NKTR: variants seen among roughly 807,000 people sequenced by gnomAD.
NKTR encodes NK-tumor recognition protein.
Under a neutral mutation model 156.3 loss-of-function variants are expected in NKTR, and 67 were observed. The ratio of observed to expected loss-of-function variants is 0.43; its 90% CI spans 0.35 to 0.53. The LOEUF is 0.53. NKTR is among the 20% of genes least tolerant of loss of function. The pLI, the probability that NKTR is intolerant of heterozygous loss-of-function variation, is 0.01. For missense variants in NKTR, 1,604 were observed against 1,730.9 expected, an observed-to-expected ratio of 0.93 and a Z score of 1.30; for synonymous variants, 640 against 596.6, an observed-to-expected ratio of 1.07 and a Z score of -1.06.
At chr3:42,643,685 A>G (rs916504120) in intron 15 of NKTR, 8 of 680,558 alleles carry the variant, frequency 1.2e-5, no homozygotes, top group East Asian at 1.1e-4. Context: ...ATATTTTTCA[A>G]TGCAGAAAAG....
intron 2 of NKTR, among the ~76,000 whole-genome samples, chr3:42,604,941 C>T (rs543600206): frequency 1.3e-5 from 2 of 152,040 alleles, no homozygotes; most frequent in Admixed American, 6.6e-5. Flanking sequence ...CCACCTGCCT[C>T]GGCCTCTCGA....
At chr3:42,628,634 A>G (rs1708608858) in intron 6 of NKTR, 7 of 985,260 alleles carry the variant, frequency 7.1e-6, no homozygotes, top group Non-Finnish European at 8.4e-6. Context: ...GTATCTAATC[A>G]GGAAACCATA....
At position 42,633,785 on chromosome 3, in the gene NKTR, TC is replaced by T. The variant is rs754555279; in HGVS notation, c.929+52del. On this transcript the variant is annotated intron_variant, in intron 10 of 16. Transcript: ENST00000232978. ...ATTTTTATTTCTCCGATAACACTGT[TC>T]CGTCAGCTCATTGCATTCCACACTC... The T allele has an allele frequency of 1.2e-5, 20 of 1,604,464 alleles. No individual in the cohort carries two copies. The East Asian group carries it at 1.3e-4, about 11-fold the overall frequency.
At chr3:42,630,900 C>A in intron 7 of NKTR, 1 of 1,363,652 alleles carries the variant, frequency 7.3e-7, no homozygotes. Context: ...TCCCAAGTAC[C>A]AAGCGAAATC....
At chr3:42,610,667 A>G (rs1305874026) in intron 2 of NKTR, among the ~76,000 whole-genome samples, 2 of 151,798 alleles carry the variant, frequency 1.3e-5, no homozygotes, top group Non-Finnish European at 2.9e-5. Context: ...TAGATTTCCT[A>G]ATGTTGAATA....
In NKTR at chr3:42,637,418, T is replaced by G. The variant is rs771863845; in HGVS notation, c.1714T>G (p.Ser572Ala). The G allele has an allele frequency of 6.2e-7, 1 of 1,613,256 alleles. No homozygotes were observed. The highest frequency in any genetic ancestry group is 1.3e-5 in the African/African-American group (1 of 74,900). ...RASKSPRKTA[S>A]QLSENKPVKT... Reference sequence around the variant, plus strand: ...ATCAAAATCACCAAGAAAAACAGCTTCTCAGTTAAGTGAAAATAAACCAGT... The same window carrying G: ...ATCAAAATCACCAAGAAAAACAGCTGCTCAGTTAAGTGAAAATAAACCAGT... Residue 572 changes from serine (S) to alanine (A), a missense_variant, in exon 13 of 17, where the codon TCT (serine) becomes GCT (alanine). This residue lies in a region of NKTR where 1,255 missense variants were observed against 1,243.7 expected (regional missense o/e 1.01). Coordinates refer to ENST00000232978, the MANE Select transcript of NKTR (RefSeq NM_005385.4).
intron 2 of NKTR, among the ~76,000 whole-genome samples, chr3:42,612,804 C>T (rs528978413): frequency 1.1e-4 from 16 of 152,000 alleles, no homozygotes; most frequent in East Asian, 3.9e-4. Context: ...TCTTTGTGAA[C>T]GATATGATTC....
chr3:42,643,301 A>G, intron 14 of NKTR, 38 bp from the exon 15 acceptor site: 1 of 1,587,018 alleles, frequency 6.3e-7, no homozygotes, highest in Non-Finnish European at 8.7e-7. Flanking sequence ...TCCTGCCCTG[A>G]TCTATAAGAT....
chr3:42,643,680 T>G (rs1299541540), intron 15 of NKTR: 5 of 678,316 alleles, frequency 7.4e-6, no homozygotes, highest in Non-Finnish European at 1.3e-5. Flanking sequence ...TTGTGATATT[T>G]TTCAATGCAG....
chr3:42,608,518 T>TC (rs1706461755), intron 2 of NKTR, among the ~76,000 whole-genome samples: 2 of 152,200 alleles, frequency 1.3e-5, no homozygotes, highest in Non-Finnish European at 2.9e-5. Flanking sequence ...TCCCTCATTG[T>TC]GTTCACCAGT....
intron 2 of NKTR, among the ~76,000 whole-genome samples, chr3:42,610,647 A>G (rs1209553869): frequency 6.6e-6 from 1 of 151,732 alleles, no homozygotes; most frequent in Non-Finnish European, 1.5e-5. Context: ...ACTTCAATAA[A>G]CTATATTAGT....
At position 42,634,599 on chromosome 3, in the gene NKTR, T is replaced by C; in HGVS notation, c.930-14T>C. On this transcript the variant is annotated splice_polypyrimidine_tract_variant and intron_variant, in intron 10 of 16. Coordinates refer to ENST00000232978, the MANE Select transcript of NKTR (RefSeq NM_005385.4). ...TGCTTATTTTTAATTTTCATCACAA[T>C]CTTCTTTTCCTAGGAAGATTCCTGA... 1 of 1,449,928 alleles carries C rather than the reference T, an allele frequency of 6.9e-7. No homozygotes were observed. The highest frequency in any genetic ancestry group is 9.4e-7 in the Non-Finnish European group (1 of 1,059,722). 89.8% of individuals were successfully genotyped at this position (1,449,928 alleles called of 1,614,324 possible).
chr3:42,612,207 G>GACCATACCTTTA (rs1460730743), intron 2 of NKTR: 5 of 151,982 alleles, frequency 3.3e-5, no homozygotes, highest in African/African-American at 9.7e-5. Flanking sequence ...ATTTTTTAAA[G>GACCATACCTTTA]GAAGAAAAAT....
intron 8 of NKTR, among the ~76,000 whole-genome samples, chr3:42,631,614 G>A (rs1229835272): frequency 3.9e-5 from 6 of 152,084 alleles, no homozygotes; most frequent in Non-Finnish European, 8.8e-5. Context: ...CCTCCTAACT[G>A]GTCTCATTGC....
chr3:42,630,368 A>G (rs1036637448), intron 6 of NKTR, 178 bp from the exon 7 acceptor site: 5 of 1,408,152 alleles, frequency 3.6e-6, no homozygotes, highest in Middle Eastern at 2.0e-4. Context: ...AATTAGTAAG[A>G]TGGCTACTAT....
At chr3:42,601,819 CTTG>C (rs1242596601) in intron 2 of NKTR, 2 of 152,148 alleles carry the variant, frequency 1.3e-5, no homozygotes, top group Non-Finnish European at 2.9e-5. Context: ...TGTGCAACAT[CTTG>C]TTCTGCATAT....
intron 2 of NKTR, among the ~76,000 whole-genome samples, chr3:42,607,876 C>G (rs950735894): frequency 6.6e-6 from 1 of 150,624 alleles, no homozygotes; most frequent in East Asian, 2.0e-4. Flanking sequence ...CACTATCTAC[C>G]TGGAGTTAGT....
rs1709622101 is a variant in NKTR, at chr3:42,638,604, C to T, written c.2900C>T (p.Ser967Leu). 2.5e-6 allele frequency: 4 copies of T among 1,613,638 alleles called. No homozygotes were observed. Among genetic ancestry groups the T allele is most frequent in the African/African-American group, 1.3e-5 (1 of 74,888 alleles). The part of the protein sequence containing the change: ...TSDSEGSCSN[S>L]ENNRGKPQKH... ...GACTCTGAGGGGTCCTGTTCCAATTCGGAAAACAATAGGGGAAAGCCACAA... is the reference window on the plus strand; with the variant it reads ...GACTCTGAGGGGTCCTGTTCCAATTTGGAAAACAATAGGGGAAAGCCACAA... The change falls in exon 13 of 17, where the codon TCG (serine) becomes TTG (leucine). Residue 967 changes from serine to leucine, a missense_variant. Physicochemically the swap from Ser to Leu is moderately radical, Grantham distance 145 (BLOSUM62 -2). This residue lies in a region of NKTR where 1,255 missense variants were observed against 1,243.7 expected (regional missense o/e 1.01). Coordinates refer to ENST00000232978, the MANE Select transcript of NKTR (RefSeq NM_005385.4).
At position 42,632,604 on chromosome 3, in the gene NKTR, T is replaced by C; in HGVS notation, c.554T>C (p.Phe185Ser). Residue 185 changes from phenylalanine (F) to serine (S), a missense_variant, in exon 9 of 17, where the codon TTT becomes TCT. Around this residue, in one of 6 missense-constraint regions of NKTR, gnomAD observed 1,255 missense variants for 1,243.7 expected, o/e 1.01. Coordinates refer to ENST00000232978, the MANE Select transcript of NKTR (RefSeq NM_005385.4). The part of the protein sequence containing the change: ...VLATKSIKDV[F>S]EKKRKKPTHS... ...TTTTATTAATGTTTCTTAAAAGTTTTTGAGAAAAAAAGGAAGAAACCAACT... is the reference window on the plus strand; with the variant it reads ...TTTTATTAATGTTTCTTAAAAGTTTCTGAGAAAAAAAGGAAGAAACCAACT... 6.3e-7 allele frequency: 1 copy of C among 1,594,784 alleles called. No individual in the cohort carries two copies.
Sources: gnomAD v4.1 joint callset for allele counts (sites outside exome capture counted in the v4.1 genomes callset) on GRCh38, gnomAD v4.1.1 for gene constraint, gnomAD v4.1.1 regional missense constraint, MANE v1.5 for transcripts, NCBI Gene and HGNC (gene_info 2026-07-23, HGNC 2026-07-21) for gene names.